CNTN6: variants seen among roughly 807,000 people sequenced by gnomAD.
The protein encoded by CNTN6 is contactin-6.
CNTN6 carries 137 observed loss-of-function variants against 122.8 expected under a neutral mutation model. The ratio of observed to expected loss-of-function variants is 1.12; its 90% confidence interval spans 0.97 to 1.29. The LOEUF (loss-of-function observed/expected upper bound fraction) is 1.29. CNTN6 is among the 50% of genes most tolerant of loss of function. The pLI, the probability that CNTN6 is intolerant of heterozygous loss-of-function variation, is 0.00. For missense variants in CNTN6, 1,634 were observed against 1,223.4 expected, an observed-to-expected ratio of 1.34 and a Z score of -5.01; for synonymous variants, 570 against 426.0, an observed-to-expected ratio of 1.34 and a Z score of -4.16.
intron 17 of CNTN6, among the ~76,000 whole-genome samples, chr3:1,381,964 T>C (rs1691960030): frequency 7.6e-3 from 1 of 132 alleles, no homozygotes; most frequent in Non-Finnish European, 0.014. Flanking sequence ...GGGTTCCAAG[T>C]GGCAAGTAGA....
chr3:1,128,198 T>C (rs2092230793), intron 1 of CNTN6: 1 of 151,966 alleles, frequency 6.6e-6, no homozygotes. Context: ...TCTCCAAATA[T>C]AATTTTGCAG....
At chr3:1,107,746 C>T (rs181817485) in intron 1 of CNTN6, among the ~76,000 whole-genome samples, 5 of 152,090 alleles carry the variant, frequency 3.3e-5, no homozygotes, top group Non-Finnish European at 7.4e-5. Context: ...AGCATGATTT[C>T]AGAGTTGTGA....
intron 1 of CNTN6, among the ~76,000 whole-genome samples, chr3:1,096,656 A>T (rs960410120): frequency 6.6e-6 from 1 of 152,170 alleles, no homozygotes; most frequent in Non-Finnish European, 1.5e-5. Flanking sequence ...GATCTTGTAA[A>T]TACATGTTTC....
At chr3:1,168,995 G>A (rs1277083658) in intron 2 of CNTN6, among the ~76,000 whole-genome samples, 2 of 152,116 alleles carry the variant, frequency 1.3e-5, no homozygotes, top group Non-Finnish European at 2.9e-5. Context: ...CGTATTCCTG[G>A]CAAGGGAAAG....
At chr3:1,103,661 A>C (rs758705767) in intron 1 of CNTN6, among the ~76,000 whole-genome samples, 1 of 152,232 alleles carries the variant, frequency 6.6e-6, no homozygotes, top group Non-Finnish European at 1.5e-5. Flanking sequence ...AGGAAGCCAA[A>C]CAGCAGTTTT....
At chr3:1,117,473 A>G (rs1434700120) in intron 1 of CNTN6, among the ~76,000 whole-genome samples, 4 of 152,168 alleles carry the variant, frequency 2.6e-5, no homozygotes, top group African/African-American at 7.2e-5. Flanking sequence ...GTTTTGTTTG[A>G]TCGGTATGTG....
chr3:1,397,060 G>C (rs543734008), intron 20 of CNTN6, among the ~76,000 whole-genome samples: 1 of 152,120 alleles, frequency 6.6e-6, no homozygotes, highest in African/African-American at 2.4e-5. Context: ...TTCTTTGTTT[G>C]TTTGTTTTCT....
chr3:1,202,281 C>T (rs1362387613), intron 2 of CNTN6, among the ~76,000 whole-genome samples: 1 of 152,238 alleles, frequency 6.6e-6, no homozygotes, highest in African/African-American at 2.4e-5. Flanking sequence ...TGGCTCACGC[C>T]TGTAATCCCA....
intron 8 of CNTN6, among the ~76,000 whole-genome samples, chr3:1,322,628 ATGTGTGTATGTG>A (rs768068068): frequency 1.3e-3 from 199 of 151,496 alleles, no homozygotes; most frequent in Middle Eastern, 6.8e-3. Flanking sequence ...TAGAGAAAAT[ATGTGTGTATGTG>A]TGTGTGTATG....
intron 7 of CNTN6, among the ~76,000 whole-genome samples, chr3:1,307,544 C>T (rs1029807352): frequency 1.3e-5 from 2 of 152,030 alleles, no homozygotes; most frequent in African/African-American, 4.8e-5. Flanking sequence ...ATTAACCAGC[C>T]AATACTGATG....
rs967245361 is a variant in CNTN6, at chr3:1,385,562, A to C, written c.2518-49A>C. ...GATAGTTGTTGGTAAAAAATGATTG[A>C]TAGTTATTGGGGAACAATAAATTGC... On this transcript the variant is annotated intron_variant, in intron 19 of 22. Coordinates refer to ENST00000446702, the MANE Select transcript of CNTN6 (RefSeq NM_001289080.2). 19 of 1,429,712 alleles carry C rather than the reference A, an allele frequency of 1.3e-5. No homozygotes were observed. In the African/African-American group the frequency reaches 2.6e-4, roughly 19 times the overall value. 88.6% of individuals were successfully genotyped at this position (1,429,712 alleles called of 1,614,324 possible).
At chr3:1,116,548 A>G (rs1431148967) in intron 1 of CNTN6, among the ~76,000 whole-genome samples, 2 of 152,182 alleles carry the variant, frequency 1.3e-5, no homozygotes, top group East Asian at 3.8e-4. Flanking sequence ...GTATAGGCTT[A>G]AGCATGAAAG....
chr3:1,387,614 T>C (rs9854448), intron 20 of CNTN6, among the ~76,000 whole-genome samples: 33,146 of 152,006 alleles, frequency 0.22, 3,748 homozygotes, highest in African/African-American at 0.25. Context: ...CAGCTCCCAG[T>C]GAAGACGCGT....
intron 12 of CNTN6, among the ~76,000 whole-genome samples, chr3:1,359,663 C>T (rs921372992): frequency 6.6e-6 from 1 of 152,036 alleles, no homozygotes; most frequent in Non-Finnish European, 1.5e-5. Flanking sequence ...GATAATCATG[C>T]ACTTGTCTAA....
chr3:1,377,392 T>C (rs1170639300), intron 17 of CNTN6, among the ~76,000 whole-genome samples: 1 of 152,140 alleles, frequency 6.6e-6, no homozygotes, highest in Non-Finnish European at 1.5e-5. Context: ...TGTGGCACTG[T>C]TGTATTGTGA....
At chr3:1,273,623 A>G (rs1051697334) in intron 4 of CNTN6, among the ~76,000 whole-genome samples, 1 of 152,220 alleles carries the variant, frequency 6.6e-6, no homozygotes, top group African/African-American at 2.4e-5. Context: ...TATCTTGTCT[A>G]TGATCTGTGT....
At chr3:1,199,621 T>C (rs1469059729) in intron 2 of CNTN6, among the ~76,000 whole-genome samples, 1 of 152,138 alleles carries the variant, frequency 6.6e-6, no homozygotes, top group African/African-American at 2.4e-5. Context: ...AAAACTTTGT[T>C]CTCTCTGCTG....
At chr3:1,300,493 A>AAGGAAGGAAGGAAGGAAGGAAGGG (rs1233689441) in intron 7 of CNTN6, among the ~76,000 whole-genome samples, 13 of 119,520 alleles carry the variant, frequency 1.1e-4, no homozygotes, top group South Asian at 2.3e-4. Flanking sequence ...GGAAGGAAGG[A>AAGGAAGGAAGGAAGGAAGGAAGGG]AAAAGAAAAG....
chr3:1,282,354 C>T (rs1321869239), intron 5 of CNTN6, among the ~76,000 whole-genome samples: 1 of 152,174 alleles, frequency 6.6e-6, no homozygotes, highest in Non-Finnish European at 1.5e-5. Context: ...GCAGAGAAGG[C>T]ATCACAGTGC....
Sources: allele counts gnomAD v4.1 joint callset (sites outside exome capture counted in the v4.1 genomes callset), GRCh38; gene constraint gnomAD v4.1.1; transcripts MANE v1.5; gene names NCBI Gene and HGNC (gene_info 2026-07-23, HGNC 2026-07-21).